Variants in RIF1 observed in about 807,000 individuals in gnomAD.
RIF1 encodes the protein replication timing regulatory factor 1, also known as telomere-associated protein RIF1.
A neutral mutation model predicts 247.1 loss-of-function variants in RIF1; 45 were observed. The observed-to-expected ratio is 0.18, with a 90% CI of 0.14 to 0.23. The LOEUF (loss-of-function observed/expected upper bound fraction) is 0.23. Among genes scored for constraint, RIF1 ranks in the 10% least tolerant of loss-of-function variants. RIF1 has a pLI of 1.00. For missense variants in RIF1, 2,967 were observed against 2,862.5 expected (o/e 1.04, Z -0.83); for synonymous variants, 1,087 against 978.8 (o/e 1.11, Z -2.06).
chr2:151,410,106 G>A (rs1481928160), intron 1 of RIF1, 73 bp downstream of exon 1: 10 of 694,342 alleles, frequency 1.4e-5, no homozygotes, highest in Non-Finnish European at 2.4e-5. Context: ...GCCCCCTCGC[G>A]GCGAGATGCC....
intron 32 of RIF1, 31 bp downstream of exon 32, chr2:151,468,582 T>C (rs377211978): frequency 3.7e-6 from 6 of 1,604,310 alleles, no homozygotes; most frequent in South Asian, 1.1e-5. Flanking sequence ...CATGTCACTT[T>C]ATATTTTCAT....
chr2:151,448,733 T>C (rs996425121), intron 20 of RIF1, among the ~76,000 whole-genome samples: 3 of 152,248 alleles, frequency 2.0e-5, no homozygotes, highest in African/African-American at 7.2e-5. Flanking sequence ...TTCTGTACTT[T>C]ATTATGTTAT....
In RIF1 at chr2:151,476,936, G is replaced by A. The variant is rs937680810; in HGVS notation, c.*1865G>A. On this transcript the variant is annotated 3_prime_UTR_variant, in exon 36 of 36. Transcript: ENST00000444746. Reference sequence around the variant, plus strand: ...CATGACTCTGTGCCTTAACGTTTGTGTGAACTAAACTTGCTGATTGAATGA... The same window carrying A: ...CATGACTCTGTGCCTTAACGTTTGTATGAACTAAACTTGCTGATTGAATGA... 7.9e-5 allele frequency: 12 copies of A among 152,024 alleles called. No homozygotes were observed. Among genetic ancestry groups the A allele is most frequent in the African/African-American group, 2.7e-4 (11 of 41,450 alleles). 9.4% of individuals were successfully genotyped at this position (152,024 alleles called of 1,614,324 possible). A position where few individuals can be genotyped will look rare whatever the true frequency, so the allele number is the denominator to read the frequency against.
At chr2:151,532,904 C>G in the RIF1 span, among the ~76,000 whole-genome samples, 1 of 152,092 alleles carries the variant, frequency 6.6e-6, no homozygotes, top group Non-Finnish European at 1.5e-5. Flanking sequence ...TTATCAGAGA[C>G]ACTGTTAACC....
the RIF1 span, among the ~76,000 whole-genome samples, chr2:151,517,578 G>C: frequency 6.6e-6 from 1 of 152,132 alleles, no homozygotes; most frequent in Non-Finnish European, 1.5e-5. Context: ...TTTCATCATT[G>C]TGTGAACATC....
At chr2:151,431,779 C>A (rs1371363091) in intron 9 of RIF1, among the ~76,000 whole-genome samples, 6 of 149,544 alleles carry the variant, frequency 4.0e-5, no homozygotes, top group Admixed American at 6.7e-5. Context: ...ACTTCCGTCT[C>A]TGAATGAATG....
chr2:151,491,653 T>C (rs751617027), intron 9 of RIF1: 3 of 1,492,326 alleles, frequency 2.0e-6, no homozygotes, highest in South Asian at 1.2e-5. Context: ...TGGTGATGTT[T>C]ATGTTGTAAG....
the RIF1 span, chr2:151,518,214 T>A: frequency 1.2e-6 from 1 of 849,766 alleles, no homozygotes; most frequent in East Asian, 2.4e-5. Flanking sequence ...CCCTTATATC[T>A]TTGTGCATTT....
chr2:151,499,807 G>C (rs1193948746), intron 11 of RIF1, among the ~76,000 whole-genome samples: 1 of 152,118 alleles, frequency 6.6e-6, no homozygotes, highest in Admixed American at 6.5e-5. Flanking sequence ...ATGGCAATTT[G>C]GTCCTTGTCA....
At chr2:151,410,348 A>G in intron 1 of RIF1, 66 bp from the exon 2 acceptor site, 2 of 1,347,670 alleles carry the variant, frequency 1.5e-6, no homozygotes, top group Non-Finnish European at 2.1e-6. Flanking sequence ...CCGGACTCAC[A>G]CTGGGCCGCC....
downstream of RIF1, among the ~76,000 whole-genome samples, chr2:151,511,452 G>C (rs903294550): frequency 4.6e-5 from 7 of 152,152 alleles, no homozygotes; most frequent in African/African-American, 1.7e-4. Context: ...GTCATTAAGA[G>C]ATCATCTGTG....
rs1405890503 is a variant in RIF1, at chr2:151,428,894, T to C, written c.897T>C (p.Ser299=). 1 of 1,504,274 alleles carries C rather than the reference T, an allele frequency of 6.6e-7. No homozygotes were observed. The highest frequency in any genetic ancestry group is 1.7e-5 in the Admixed American group (1 of 58,892). 93.2% of individuals were successfully genotyped at this position (1,504,274 alleles called of 1,614,324 possible). Reference sequence around the variant, plus strand: ...AGATAGCTTTTATTGCTTGGAAGAGTTTAATAGATAATTTTGCTTTAAATC... The same window carrying C: ...AGATAGCTTTTATTGCTTGGAAGAGCTTAATAGATAATTTTGCTTTAAATC... ...IKKIAFIAWK[S]LIDNFALNPD... Residue 299 remains serine, a synonymous_variant, in exon 9 of 36, where the codon AGT becomes AGC. Coordinates refer to ENST00000444746, the MANE Select transcript of RIF1 (RefSeq NM_018151.5).
intron 9 of RIF1, among the ~76,000 whole-genome samples, chr2:151,430,582 A>C (rs190756529): frequency 3.3e-5 from 5 of 152,318 alleles, no homozygotes; most frequent in Admixed American, 2.0e-4. Flanking sequence ...GGTCTCCCAA[A>C]GTGCTGGGAT....
At chr2:151,436,749 G>GA in intron 11 of RIF1, 78 bp from the exon 12 acceptor site, 1 of 1,026,824 alleles carries the variant, frequency 9.7e-7, no homozygotes, top group Non-Finnish European at 1.4e-6. Context: ...AAGTTTCATT[G>GA]AAATGAAATG....
At chr2:151,496,522 T>A (rs983245918) in intron 10 of RIF1, among the ~76,000 whole-genome samples, 1 of 152,162 alleles carries the variant, frequency 6.6e-6, no homozygotes, top group Non-Finnish European at 1.5e-5. Flanking sequence ...GCTACTTTAG[T>A]GGAAGCTGTT....
At chr2:151,458,053 G>A in intron 24 of RIF1, 90 bp downstream of exon 24, 1 of 904,374 alleles carries the variant, frequency 1.1e-6, no homozygotes, top group Non-Finnish European at 1.7e-6. Flanking sequence ...TTTCTTATGG[G>A]GTATTGTTAC....
At chr2:151,415,345 CA>C (rs34015306) in intron 4 of RIF1, among the ~76,000 whole-genome samples, 115 of 136,444 alleles carry the variant, frequency 8.4e-4, no homozygotes, top group Middle Eastern at 3.7e-3. Context: ...GACCCCATCT[CA>C]AAAAAAAAAA....
rs564803299 is a variant in RIF1 at position 151,448,710 on chromosome 2, C to T, written c.2244+2135C>T. ...TCTTATTTCCTTTTTAGTACTGTCT[C>T]GAAATTGTTTATTTCTGTACTTTAT... On this transcript the variant is annotated intron_variant, in intron 20 of 35. Transcript: ENST00000444746. Among the ~76,000 whole-genome samples the T allele has an allele frequency of 4.6e-5, 7 of 152,232 alleles. No individual in the cohort carries two copies. The South Asian group carries it at 1.2e-3, about 27-fold the overall frequency.
chr2:151,462,589 T>C, intron 29 of RIF1, 123 bp downstream of exon 29: 3 of 671,500 alleles, frequency 4.5e-6, no homozygotes, highest in African/African-American at 3.7e-5. Context: ...GTAGATTTAT[T>C]GTATGATTTC....
Sources: allele counts gnomAD v4.1 joint callset (sites outside exome capture counted in the v4.1 genomes callset), GRCh38; gene constraint gnomAD v4.1.1; transcripts MANE v1.5; gene names NCBI Gene and HGNC (gene_info 2026-07-23, HGNC 2026-07-21).